SGCD: variants seen among roughly 807,000 people sequenced by gnomAD.
SGCD encodes the protein sarcoglycan delta.
A neutral mutation model predicts 36.6 loss-of-function variants in SGCD; 18 were observed. The ratio of observed to expected loss-of-function variants is 0.49; its 90% CI spans 0.34 to 0.73. SGCD has a LOEUF of 0.73. SGCD is among the 30% of genes least tolerant of loss of function. The pLI is 0.01. For synonymous variants in SGCD, 133 were observed against 130.6 expected, an observed-to-expected ratio of 1.02 and a Z score of -0.12; for missense variants, 387 against 346.7, an observed-to-expected ratio of 1.12 and a Z score of -0.92.
intron 4 of SGCD, among the ~76,000 whole-genome samples, chr5:156,521,493 TAAAC>T (rs764427103): frequency 6.6e-6 from 1 of 152,086 alleles, no homozygotes; most frequent in Non-Finnish European, 1.5e-5. Context: ...ACAAGAAACT[TAAAC>T]AAATTTACAA....
chr5:156,426,878 C>A (rs1773695344), intron 3 of SGCD, among the ~76,000 whole-genome samples: 1 of 152,054 alleles, frequency 6.6e-6, no homozygotes, highest in Non-Finnish European at 1.5e-5. Flanking sequence ...TTTCTGAGTT[C>A]TCTACTCAGT....
chr5:155,782,221 TG>T, the SGCD span, among the ~76,000 whole-genome samples: 1 of 151,890 alleles, frequency 6.6e-6, no homozygotes, highest in East Asian at 1.9e-4. Flanking sequence ...GACAGCGTTT[TG>T]TCATGTTAGC....
At chr5:156,657,573 G>T (rs1763742208) in intron 7 of SGCD, among the ~76,000 whole-genome samples, 1 of 151,622 alleles carries the variant, frequency 6.6e-6, no homozygotes. Flanking sequence ...GATCAGCCTG[G>T]CCACCATGGT....
At chr5:156,325,147 T>C (rs1047799679), upstream of SGCD, among the ~76,000 whole-genome samples, 5 of 152,120 alleles carry the variant, frequency 3.3e-5, no homozygotes, top group African/African-American at 1.2e-4. Flanking sequence ...ACTTCAGTGT[T>C]ATATTTAGGG....
chr5:155,865,902 A>G (rs966365682), upstream of SGCD, among the ~76,000 whole-genome samples: 1 of 152,212 alleles, frequency 6.6e-6, no homozygotes, highest in South Asian at 2.1e-4. Flanking sequence ...TTGAAATGAC[A>G]GTTTCTCTTC....
intron 3 of SGCD, among the ~76,000 whole-genome samples, chr5:156,364,577 G>A (rs73815050): frequency 6.6e-6 from 1 of 152,102 alleles, no homozygotes; most frequent in Admixed American, 6.5e-5. Context: ...GACTTTCAAG[G>A]AATCTTTAAT....
chr5:155,930,247 T>C (rs1406214457), intron 1 of SGCD, among the ~76,000 whole-genome samples: 2 of 152,130 alleles, frequency 1.3e-5, no homozygotes, highest in African/African-American at 2.4e-5. Context: ...ACTTAAAGAG[T>C]CCTTTGCCCA....
chr5:155,806,103 G>T, the SGCD span, among the ~76,000 whole-genome samples: 6 of 152,172 alleles, frequency 3.9e-5, no homozygotes, highest in South Asian at 6.2e-4. Flanking sequence ...AGACTTTGAA[G>T]ATTTCATATG....
At chr5:156,044,638 A>T (rs1294698307) in intron 1 of SGCD, among the ~76,000 whole-genome samples, 1 of 152,194 alleles carries the variant, frequency 6.6e-6, no homozygotes, top group Non-Finnish European at 1.5e-5. Flanking sequence ...GGTGTAAGGT[A>T]TGAAGATCAA....
rs575943400 is a variant in SGCD at position 156,445,595 on chromosome 5, C to T, written c.193-63006C>T. Among the ~76,000 whole-genome samples, 42 of 152,146 alleles carry T rather than the reference C, an allele frequency of 2.8e-4. No homozygotes were observed. In the South Asian group the frequency reaches 7.9e-3, roughly 29 times the overall value. ...AGTGTGGTCTAAGGAGCTGGACTAG[C>T]GGGTTTTAGTTCTCCCCCCGTACTA... On this transcript the variant is annotated intron_variant, in intron 3 of 8. Transcript: ENST00000337851.
At chr5:156,542,297 A>G (rs981038207) in intron 4 of SGCD, among the ~76,000 whole-genome samples, 3 of 152,178 alleles carry the variant, frequency 2.0e-5, no homozygotes, top group African/African-American at 7.2e-5. Context: ...TATTTTCCAG[A>G]TTTATAAAAC....
chr5:156,318,648 T>C (rs1212052695), intron 3 of SGCD, among the ~76,000 whole-genome samples: 1 of 150,064 alleles, frequency 6.7e-6, no homozygotes, highest in African/African-American at 2.5e-5. Flanking sequence ...CTGGATGGAG[T>C]GAAGTGGAGT....
chr5:156,061,088 T>C (rs1178826170), intron 1 of SGCD, among the ~76,000 whole-genome samples: 1 of 145,970 alleles, frequency 6.9e-6, no homozygotes, highest in African/African-American at 2.5e-5. Context: ...TTCAAGACTT[T>C]ATCCTTACCT....
intron 2 of SGCD, among the ~76,000 whole-genome samples, chr5:156,342,606 CTT>C (rs74721489): frequency 0.041 from 6,300 of 152,258 alleles, 170 homozygotes; most frequent in Middle Eastern, 0.12. Flanking sequence ...TGATTGATGA[CTT>C]TGTTGTGTTC....
chr5:156,575,437 G>A (rs1028857635), intron 4 of SGCD, among the ~76,000 whole-genome samples: 9 of 152,166 alleles, frequency 5.9e-5, no homozygotes, highest in Non-Finnish European at 8.8e-5. Flanking sequence ...AGTAGAACAA[G>A]CGGAAAGTGC....
At chr5:156,386,543 G>A (rs943495879) in intron 3 of SGCD, among the ~76,000 whole-genome samples, 3 of 152,252 alleles carry the variant, frequency 2.0e-5, no homozygotes, top group Non-Finnish European at 4.4e-5. Flanking sequence ...AAAGTCAGCT[G>A]TAATTCAGGA....
At chr5:156,222,342 A>G (rs547342448) in intron 3 of SGCD, among the ~76,000 whole-genome samples, 41 of 152,226 alleles carry the variant, frequency 2.7e-4, no homozygotes, top group African/African-American at 9.1e-4. Flanking sequence ...AGAAAATATC[A>G]CTAATTCCTA....
chr5:155,892,071 G>C (rs1470943634), intron 1 of SGCD, among the ~76,000 whole-genome samples: 1 of 152,114 alleles, frequency 6.6e-6, no homozygotes, highest in East Asian at 1.9e-4. Flanking sequence ...TGTATTTTGA[G>C]TTATTTGGAT....
intron 7 of SGCD, among the ~76,000 whole-genome samples, chr5:156,721,636 T>C (rs1755507163): frequency 6.6e-6 from 1 of 152,098 alleles, no homozygotes; most frequent in Admixed American, 6.6e-5. Flanking sequence ...GCATGCAGAT[T>C]AGAGTGAAGC....
Sources: gnomAD v4.1 joint callset for allele counts (sites outside exome capture counted in the v4.1 genomes callset) on GRCh38, gnomAD v4.1.1 for gene constraint, MANE v1.5 for transcripts, NCBI Gene and HGNC (gene_info 2026-07-23, HGNC 2026-07-21) for gene names.